The following PTPRK variants were observed in gnomAD, a reference collection of about 807,000 sequenced individuals.
The protein encoded by PTPRK is protein tyrosine phosphatase receptor type K.
In PTPRK, 75 loss-of-function variants were observed where a neutral mutation model predicts 178.0. The ratio of observed to expected loss-of-function variants is 0.42; its 90% CI spans 0.35 to 0.51. The LOEUF (loss-of-function observed/expected upper bound fraction) is 0.51, where lower values mean the gene tolerates loss of function less well. Ranked by LOEUF, PTPRK falls within the 20% of genes least tolerant of loss-of-function variation. The probability of loss-of-function intolerance (pLI) is 0.02; values close to 1 mark genes in which losing one functional copy is unlikely to be tolerated. For missense variants in PTPRK, 1,441 were observed against 1,797.8 expected (o/e 0.80, Z 3.59); for synonymous variants, 637 against 620.6 (o/e 1.03, Z -0.39).
intron 13 of PTPRK, among the ~76,000 whole-genome samples, chr6:128,051,135 A>C (rs1778938224): frequency 6.6e-6 from 1 of 152,120 alleles, no homozygotes; most frequent in Non-Finnish European, 1.5e-5. Flanking sequence ...TTGTTTTAAA[A>C]GATATGTTTC....
intron 2 of PTPRK, among the ~76,000 whole-genome samples, chr6:128,376,199 CAGA>C (rs1024515378): frequency 1.3e-5 from 2 of 152,210 alleles, no homozygotes; most frequent in Admixed American, 6.5e-5. Context: ...ACTTCCCTAG[CAGA>C]AGTTCTCCAT....
intron 7 of PTPRK, among the ~76,000 whole-genome samples, chr6:128,122,654 A>AAC (rs1792670679): frequency 1.3e-5 from 2 of 152,228 alleles, no homozygotes; most frequent in South Asian, 4.1e-4. Context: ...TACCAGCTGT[A>AAC]TGACTTTAGG....
intron 7 of PTPRK, among the ~76,000 whole-genome samples, chr6:128,141,695 T>C (rs1005939395): frequency 2.0e-5 from 3 of 151,948 alleles, no homozygotes; most frequent in African/African-American, 7.2e-5. Flanking sequence ...GCTAGAGATG[T>C]ATTAACTCAA....
chr6:128,509,500 C>T (rs62425739), intron 1 of PTPRK, among the ~76,000 whole-genome samples: 22,948 of 152,060 alleles, frequency 0.15, 1,918 homozygotes, highest in Non-Finnish European at 0.18. Context: ...CTTCAGCATA[C>T]ACACTTTTTG....
intron 3 of PTPRK, among the ~76,000 whole-genome samples, chr6:128,310,080 T>C (rs950957717): frequency 4.6e-5 from 7 of 152,208 alleles, no homozygotes; most frequent in South Asian, 2.1e-4. Context: ...TACTCTGTCT[T>C]TACCCAACAA....
intron 3 of PTPRK, among the ~76,000 whole-genome samples, chr6:128,301,163 G>A (rs913244801): frequency 6.6e-6 from 1 of 152,162 alleles, no homozygotes; most frequent in Non-Finnish European, 1.5e-5. Context: ...CCCTAATGGA[G>A]GGTGGATATC....
chr6:128,000,062 C>T (rs1357744691), intron 15 of PTPRK: 10 of 971,142 alleles, frequency 1.0e-5, no homozygotes, highest in Non-Finnish European at 1.2e-5. Flanking sequence ...ATATTTATCA[C>T]ATTTAAACTT....
At chr6:128,513,033 T>C (rs1031972908) in intron 1 of PTPRK, among the ~76,000 whole-genome samples, 2 of 152,244 alleles carry the variant, frequency 1.3e-5, no homozygotes, top group Non-Finnish European at 2.9e-5. Context: ...AATATTCTTA[T>C]ACAAAATATT....
At chr6:128,315,780 G>T (rs1316629257) in intron 3 of PTPRK, among the ~76,000 whole-genome samples, 4 of 152,254 alleles carry the variant, frequency 2.6e-5, no homozygotes, top group East Asian at 3.9e-4. Context: ...AATTGAAACT[G>T]AAATCACCAC....
At chr6:128,325,954 T>C (rs1265992794) in intron 2 of PTPRK, among the ~76,000 whole-genome samples, 1 of 151,986 alleles carries the variant, frequency 6.6e-6, no homozygotes, top group East Asian at 1.9e-4. Flanking sequence ...ATAAAGAAAA[T>C]GTGGCACATA....
At chr6:128,397,791 C>T in intron 1 of PTPRK, 103 bp from the exon 2 acceptor site, 4 of 1,124,028 alleles carry the variant, frequency 3.6e-6, no homozygotes, top group Admixed American at 4.4e-5. Context: ...ATGTTACTCA[C>T]AATCTTAATA....
At chr6:128,178,656 C>G (rs908491912) in intron 7 of PTPRK, among the ~76,000 whole-genome samples, 2 of 145,996 alleles carry the variant, frequency 1.4e-5, no homozygotes, top group African/African-American at 5.1e-5. Flanking sequence ...GTAGAGAAGA[C>G]ATCTATCTAT....
In PTPRK at chr6:128,184,544, T is replaced by C. The variant is rs1321348434; in HGVS notation, c.1050A>G (p.Leu350=). 8.1e-6 allele frequency: 13 copies of C among 1,613,986 alleles called. No individual in the cohort carries two copies. Among genetic ancestry groups the C allele is most frequent in the Non-Finnish European group, 1.0e-5 (12 of 1,179,918 alleles). The change falls in exon 7 of 30, where the codon TTA becomes TTG. Residue 350 remains leucine, a synonymous_variant. Coordinates refer to ENST00000368226, the MANE Select transcript of PTPRK (RefSeq NM_002844.4). The part of the protein sequence containing the change: ...THAVNAPTYK[L]WHLDPDTEYE... ...ATTCGGTATCTGGATCTAAATGCCA[T>C]AATTTGTAAGTTGGAGCATTGACTG...
intron 3 of PTPRK, among the ~76,000 whole-genome samples, chr6:128,277,024 A>G (rs1820823015): frequency 2.0e-5 from 3 of 152,086 alleles, no homozygotes; most frequent in African/African-American, 4.8e-5. Flanking sequence ...ACTAGCTTAG[A>G]AAAGTTTTTC....
intron 7 of PTPRK, among the ~76,000 whole-genome samples, chr6:128,149,205 T>C (rs1472066854): frequency 6.6e-6 from 1 of 150,948 alleles, no homozygotes; most frequent in African/African-American, 2.4e-5. Flanking sequence ...CTAATGTAAA[T>C]GACCAGTTAA....
intron 1 of PTPRK, among the ~76,000 whole-genome samples, chr6:128,446,610 A>T (rs1191285367): frequency 6.6e-6 from 1 of 152,244 alleles, no homozygotes; most frequent in Non-Finnish European, 1.5e-5. Context: ...CGTAGCACAG[A>T]CAAGAAGTAA....
At chr6:128,196,214 TG>T (rs1354539446) in intron 6 of PTPRK, among the ~76,000 whole-genome samples, 4 of 151,488 alleles carry the variant, frequency 2.6e-5, no homozygotes, top group African/African-American at 9.8e-5. Context: ...TCTATCAATA[TG>T]GTTACTATAA....
chr6:128,111,717 C>T (rs1295784422), intron 7 of PTPRK, among the ~76,000 whole-genome samples: 1 of 152,092 alleles, frequency 6.6e-6, no homozygotes, highest in Admixed American at 6.6e-5. Flanking sequence ...TATCACTCAG[C>T]TCAGGTGCTC....
chr6:128,024,699 A>G (rs756026451), intron 13 of PTPRK, among the ~76,000 whole-genome samples: 4 of 152,102 alleles, frequency 2.6e-5, no homozygotes, highest in Non-Finnish European at 5.9e-5. Context: ...AATCCCAGCT[A>G]CCTGGGAGGC....
Sources: allele counts gnomAD v4.1 joint callset (sites outside exome capture counted in the v4.1 genomes callset), GRCh38; gene constraint gnomAD v4.1.1; transcripts MANE v1.5; gene names NCBI Gene and HGNC (gene_info 2026-07-23, HGNC 2026-07-21).